TENM2: variants seen among roughly 807,000 people sequenced by gnomAD.
TENM2 encodes the protein teneurin-2.
TENM2 carries 52 observed loss-of-function variants against 245.2 expected under a neutral mutation model. The observed-to-expected ratio is 0.21, with a 90% CI of 0.17 to 0.27. The LOEUF (loss-of-function observed/expected upper bound fraction) is 0.27. Ranked by LOEUF, TENM2 falls within the 10% of genes least tolerant of loss-of-function variation. The pLI, the probability that TENM2 is intolerant of heterozygous loss-of-function variation, is 1.00. For synonymous variants in TENM2, 1,363 were observed against 1,438.9 expected (o/e 0.95, Z 1.19); for missense variants, 3,046 against 3,666.8 (o/e 0.83, Z 4.37).
At chr5:168,139,575 G>A in intron 12 of TENM2, 1 of 456,328 alleles carries the variant, frequency 2.2e-6, no homozygotes, top group South Asian at 1.5e-5. Flanking sequence ...CCTCTGTGAG[G>A]GGACTGGGCC....
chr5:167,288,691 T>C (rs764181055), intron 1 of TENM2, among the ~76,000 whole-genome samples: 1 of 152,212 alleles, frequency 6.6e-6, no homozygotes, highest in Non-Finnish European at 1.5e-5. Context: ...AGGTGGATAC[T>C]ATCACTCCCT....
At chr5:167,450,029 GGATGAATGCGTGGCTA>G in intron 2 of TENM2, among the ~76,000 whole-genome samples, 1 of 152,206 alleles carries the variant, frequency 6.6e-6, no homozygotes, top group South Asian at 2.1e-4. Context: ...GTGGGTGGAT[GGATGAATGCGTGGCTA>G]GATGGATGGA....
the TENM2 span, among the ~76,000 whole-genome samples, chr5:167,209,033 A>T: frequency 6.6e-6 from 1 of 152,308 alleles, no homozygotes; most frequent in African/African-American, 2.4e-5. Flanking sequence ...CTTCATCTCA[A>T]CTGTCTTTGT....
At chr5:167,929,397 T>C (rs1324884695) in intron 3 of TENM2, among the ~76,000 whole-genome samples, 1 of 152,210 alleles carries the variant, frequency 6.6e-6, no homozygotes. Flanking sequence ...ATTCTGAGTC[T>C]ATGCAAAAGC....
At chr5:167,596,627 TG>T (rs1776231108) in intron 2 of TENM2, among the ~76,000 whole-genome samples, 2 of 151,946 alleles carry the variant, frequency 1.3e-5, no homozygotes, top group African/African-American at 4.8e-5. Flanking sequence ...CACCCCCGTC[TG>T]TACTAAAAAC....
intron 5 of TENM2, among the ~76,000 whole-genome samples, chr5:168,017,058 C>T (rs1407885568): frequency 6.6e-6 from 1 of 152,216 alleles, no homozygotes; most frequent in Non-Finnish European, 1.5e-5. Flanking sequence ...ATGATCTGCA[C>T]TGACCAGTTA....
intron 2 of TENM2, among the ~76,000 whole-genome samples, chr5:167,400,090 T>C (rs1038497385): frequency 2.7e-4 from 41 of 152,094 alleles, no homozygotes; most frequent in African/African-American, 9.2e-4. Flanking sequence ...TGGAAGCAAA[T>C]GTGGGTCACC....
chr5:167,437,684 G>A (rs539464978), intron 2 of TENM2, among the ~76,000 whole-genome samples: 1 of 152,184 alleles, frequency 6.6e-6, no homozygotes, highest in East Asian at 1.9e-4. Context: ...CCCGGTGGGA[G>A]GTCATTGAAT....
chr5:167,246,446 G>A, the TENM2 span, among the ~76,000 whole-genome samples: 2 of 151,702 alleles, frequency 1.3e-5, no homozygotes, highest in Admixed American at 6.6e-5. Flanking sequence ...ATATGTATAT[G>A]TATATAAATA....
intron 1 of TENM2, among the ~76,000 whole-genome samples, chr5:167,333,539 G>T (rs2127795866): frequency 6.6e-6 from 1 of 152,158 alleles, no homozygotes; most frequent in East Asian, 1.9e-4. Context: ...GTCATTAAAA[G>T]AAATTATATG....
At chr5:167,235,460 C>T in the TENM2 span, among the ~76,000 whole-genome samples, 2 of 152,024 alleles carry the variant, frequency 1.3e-5, no homozygotes, top group Admixed American at 6.6e-5. Context: ...CAACAGAAAA[C>T]GATTCAATCT....
the TENM2 span, among the ~76,000 whole-genome samples, chr5:167,231,843 C>T: frequency 6.6e-6 from 1 of 152,120 alleles, no homozygotes. Flanking sequence ...CTTCACAGGC[C>T]TGGAGGCCTA....
chr5:167,464,955 T>G (rs1019573763), intron 2 of TENM2, among the ~76,000 whole-genome samples: 2 of 152,232 alleles, frequency 1.3e-5, no homozygotes, highest in African/African-American at 4.8e-5. Context: ...ATCTAACTTA[T>G]GGTCCATAAC....
chr5:168,234,122 A>G (rs1028583898), intron 25 of TENM2, among the ~76,000 whole-genome samples: 8 of 151,852 alleles, frequency 5.3e-5, no homozygotes, highest in Non-Finnish European at 1.5e-5. Context: ...ATTTTCTCCT[A>G]CAGTAGACTA....
At chr5:168,150,578 A>C (rs937088450) in intron 12 of TENM2, among the ~76,000 whole-genome samples, 1 of 152,190 alleles carries the variant, frequency 6.6e-6, no homozygotes, top group Admixed American at 6.5e-5. Flanking sequence ...CCAAATTCCC[A>C]TCCAAACCTG....
At chr5:167,652,155 A>C (rs1010603419) in intron 2 of TENM2, among the ~76,000 whole-genome samples, 1 of 152,202 alleles carries the variant, frequency 6.6e-6, no homozygotes, top group Non-Finnish European at 1.5e-5. Context: ...GACTATGCCA[A>C]GAGCGAGGAA....
chr5:167,266,793 AC>A, the TENM2 span, among the ~76,000 whole-genome samples: 1 of 152,176 alleles, frequency 6.6e-6, no homozygotes, highest in African/African-American at 2.4e-5. Context: ...GGTTTCAGAC[AC>A]CCAGGTAAAT....
intron 1 of TENM2, among the ~76,000 whole-genome samples, chr5:167,372,764 A>G (rs1359375746): frequency 1.3e-5 from 2 of 152,252 alleles, no homozygotes; most frequent in East Asian, 3.8e-4. Context: ...GAATATTAAT[A>G]TCAAATGACT....
intron 2 of TENM2, among the ~76,000 whole-genome samples, chr5:167,682,948 C>T (rs901324172): frequency 6.6e-6 from 1 of 152,106 alleles, no homozygotes; most frequent in African/African-American, 2.4e-5. Flanking sequence ...AAATAATTAA[C>T]AAAGAGGAAA....
Sources: allele counts gnomAD v4.1 joint callset (sites outside exome capture counted in the v4.1 genomes callset), GRCh38; gene constraint gnomAD v4.1.1; transcripts MANE v1.5; gene names NCBI Gene and HGNC (gene_info 2026-07-23, HGNC 2026-07-21).